RBFOX1: variants seen among roughly 807,000 people sequenced by gnomAD.
RBFOX1 encodes RNA binding fox-1 homolog 1, also known as RNA binding protein fox-1 homolog 1.
A neutral mutation model predicts 57.7 loss-of-function variants in RBFOX1; 8 were observed. The observed-to-expected ratio is 0.14, with a 90% confidence interval of 0.08 to 0.25. The LOEUF (loss-of-function observed/expected upper bound fraction) is 0.25, where lower values mean the gene tolerates loss of function less well. Among genes scored for constraint, RBFOX1 ranks in the 10% least tolerant of loss-of-function variants. The pLI, the probability that RBFOX1 is intolerant of heterozygous loss-of-function variation, is 1.00. For missense variants in RBFOX1, 611 were observed against 548.5 expected (o/e 1.11, Z -1.14); for synonymous variants, 326 against 222.4 (o/e 1.47, Z -4.15).
intron 2 of RBFOX1, among the ~76,000 whole-genome samples, chr16:5,588,249 G>T (rs1249666448): frequency 1.3e-5 from 2 of 152,140 alleles, no homozygotes; most frequent in African/African-American, 4.8e-5. Flanking sequence ...GGAGTTTCAT[G>T]GTGATGAAAA....
rs2095318021 is a variant in RBFOX1, at chr16:7,607,342, CAG to C, written c.676+7_676+8del. The C allele has an allele frequency of 6.2e-7, 1 of 1,607,602 alleles. No homozygotes were observed. Among genetic ancestry groups the C allele is most frequent in the African/African-American group, 1.3e-5 (1 of 74,698 alleles). On this transcript the variant is annotated splice_donor_5th_base_variant and intron_variant, in intron 10 of 15. Coordinates refer to ENST00000550418, the MANE Select transcript of RBFOX1 (RefSeq NM_018723.4). The stretch of plus-strand genomic sequence containing the variant: ...TACAGTCCCGAATTCTATGCAGGTA[CAG>C]AGTTTCTCTTTGCACGAAGTCTTCT...
Position 7,400,771 on chromosome 16 carries a change from T to C in RBFOX1, c.28-117376T>C, listed in dbSNP as rs113668891. Among the ~76,000 whole-genome samples, 1,274 of 152,264 alleles carry C rather than the reference T, an allele frequency of 8.4e-3. 7 individuals are homozygous for C. The highest frequency in any genetic ancestry group is 0.014 in the Non-Finnish European group (979 of 68,024). Reference sequence around the variant, plus strand: ...AGTAATCCAGTCAATTAAAAATGGATTTCAGTTCCCAGCAGCATGGTGGTG... The same window carrying C: ...AGTAATCCAGTCAATTAAAAATGGACTTCAGTTCCCAGCAGCATGGTGGTG... On this transcript the variant is annotated intron_variant, in intron 4 of 15. Transcript: ENST00000550418.
chr16:7,513,338 C>G (rs1444691033), intron 4 of RBFOX1, among the ~76,000 whole-genome samples: 2 of 152,086 alleles, frequency 1.3e-5, no homozygotes, highest in Admixed American at 6.6e-5. Flanking sequence ...GATTCTCTTG[C>G]TAGATGAGAA....
intron 4 of RBFOX1, among the ~76,000 whole-genome samples, chr16:7,478,430 T>C (rs528308669): frequency 6.6e-6 from 1 of 152,138 alleles, no homozygotes; most frequent in Non-Finnish European, 1.5e-5. Flanking sequence ...AGAGAAATAG[T>C]GTAGCAATCT....
chr16:6,405,612 T>C (rs2093252033), intron 2 of RBFOX1, among the ~76,000 whole-genome samples: 1 of 152,148 alleles, frequency 6.6e-6, no homozygotes, highest in Non-Finnish European at 1.5e-5. Context: ...ATGAGAATGC[T>C]GCTCTTCTGT....
chr16:7,702,364 A>G (rs2081026171), intron 14 of RBFOX1, among the ~76,000 whole-genome samples: 1 of 152,222 alleles, frequency 6.6e-6, no homozygotes, highest in Non-Finnish European at 1.5e-5. Context: ...AGAATCCCCA[A>G]GAAGCTGAGG....
intron 4 of RBFOX1, among the ~76,000 whole-genome samples, chr16:7,451,184 G>C (rs562211860): frequency 1.8e-4 from 27 of 152,162 alleles, no homozygotes; most frequent in Non-Finnish European, 3.2e-4. Flanking sequence ...CTGGGTGAGG[G>C]ACATCGGATT....
chr16:7,054,983 A>G (rs2051620144), intron 4 of RBFOX1, among the ~76,000 whole-genome samples: 1 of 152,202 alleles, frequency 6.6e-6, no homozygotes. Context: ...CGTATCCAAT[A>G]CTTGGTGTTA....
rs144130675 is a variant in RBFOX1, at chr16:6,009,662, G to T, written c.351+142327G>T. On this transcript the variant is annotated intron_variant, in intron 4 of 19. Coordinates refer to the RBFOX1 transcript ENST00000641259. ...GAGAAGGGAAATATCCATGCACAAA[G>T]CCCTCAGATCTTAAAATCACGTTAA... Among the ~76,000 whole-genome samples, 36 of 152,170 alleles carry T rather than the reference G, an allele frequency of 2.4e-4. No homozygotes were observed. The East Asian group carries it at 6.6e-3, about 28-fold the overall frequency.
chr16:7,506,575 C>T (rs148344082), intron 4 of RBFOX1, among the ~76,000 whole-genome samples: 279 of 150,484 alleles, frequency 1.9e-3, no homozygotes, highest in African/African-American at 6.6e-3. Flanking sequence ...TTATTACCAT[C>T]ACCTTCATCA....
chr16:5,598,727 C>T (rs566743315), intron 2 of RBFOX1, among the ~76,000 whole-genome samples: 5 of 152,246 alleles, frequency 3.3e-5, no homozygotes, highest in South Asian at 2.1e-4. Context: ...GTGGCCATTG[C>T]GCAGGGCAAT....
intron 3 of RBFOX1, among the ~76,000 whole-genome samples, chr16:6,927,382 C>T (rs1219376596): frequency 7.9e-6 from 1 of 127,178 alleles, no homozygotes; most frequent in Non-Finnish European, 1.6e-5. Flanking sequence ...CGCTCCACTC[C>T]AGCCTGGGCA....
intron 3 of RBFOX1, among the ~76,000 whole-genome samples, chr16:6,965,564 G>A (rs750323472): frequency 3.9e-5 from 6 of 152,058 alleles, no homozygotes; most frequent in South Asian, 2.1e-4. Flanking sequence ...GTCAAACTCC[G>A]GACCTCAAGT....
chr16:5,926,106 G>T (rs1046484530), intron 4 of RBFOX1, among the ~76,000 whole-genome samples: 1 of 152,112 alleles, frequency 6.6e-6, no homozygotes, highest in Non-Finnish European at 1.5e-5. Context: ...TAAATATCAG[G>T]CCATTCAAAG....
At chr16:5,362,745 T>A (rs774592359) in intron 1 of RBFOX1, among the ~76,000 whole-genome samples, 1 of 152,054 alleles carries the variant, frequency 6.6e-6, no homozygotes, top group Non-Finnish European at 1.5e-5. Context: ...TTGCTCTGTT[T>A]CTGTGTGTTT....
At chr16:6,646,193 C>A (rs1237337684) in intron 2 of RBFOX1, among the ~76,000 whole-genome samples, 1 of 152,074 alleles carries the variant, frequency 6.6e-6, no homozygotes, top group Non-Finnish European at 1.5e-5. Flanking sequence ...CAGGTCGGAA[C>A]CCACCCAGAG....
At chr16:5,961,852 A>G (rs963971151) in intron 4 of RBFOX1, among the ~76,000 whole-genome samples, 1 of 152,140 alleles carries the variant, frequency 6.6e-6, no homozygotes, top group South Asian at 2.1e-4. Context: ...AACCTCCTTT[A>G]TCAGGTATAA....
At chr16:7,385,602 G>A (rs1052708467) in intron 4 of RBFOX1, among the ~76,000 whole-genome samples, 2 of 152,150 alleles carry the variant, frequency 1.3e-5, no homozygotes, top group African/African-American at 4.8e-5. Context: ...AGATAGATTA[G>A]GTGGTGGTCA....
Position 7,328,363 on chromosome 16 carries a change from C to G in RBFOX1, c.28-189784C>G, listed in dbSNP as rs527397572. ...GGTGTGGTGGCGGATCCCTGTAATC[C>G]CAGCTACTCGGCAGGCTGAAGCAGA... On this transcript the variant is annotated intron_variant, in intron 4 of 15. Transcript: ENST00000550418. 4.0e-5 allele frequency among the ~76,000 whole-genome samples: 6 copies of G among 151,468 alleles called. 1 individual carries two copies. In the South Asian group the frequency reaches 1.0e-3, roughly 26 times the overall value.
Sources: gnomAD v4.1 joint callset for allele counts (sites outside exome capture counted in the v4.1 genomes callset) on GRCh38, gnomAD v4.1.1 for gene constraint, MANE v1.5 for transcripts, NCBI Gene and HGNC (gene_info 2026-07-23, HGNC 2026-07-21) for gene names.